Variants in MYO18B observed in about 807,000 individuals in gnomAD.
MYO18B encodes myosin XVIIIB.
A neutral mutation model predicts 273.0 loss-of-function variants in MYO18B; 204 were observed. The ratio of observed to expected loss-of-function variants is 0.75; its 90% CI spans 0.67 to 0.84. The LOEUF is 0.84. Among genes scored for constraint, MYO18B ranks in the 40% least tolerant of loss-of-function variants. The pLI is 0.00. For missense variants in MYO18B, 3,212 were observed against 3,287.6 expected, an observed-to-expected ratio of 0.98 and a Z score of 0.56; for synonymous variants, 1,330 against 1,305.7, an observed-to-expected ratio of 1.02 and a Z score of -0.40.
intron 34 of MYO18B, among the ~76,000 whole-genome samples, chr22:25,931,474 A>G (rs1490944647): frequency 1.3e-5 from 2 of 152,194 alleles, no homozygotes; most frequent in Non-Finnish European, 2.9e-5. Context: ...TATCAACGTC[A>G]TGACCTGATT....
At chr22:25,862,203 C>A (rs548872853) in intron 21 of MYO18B, among the ~76,000 whole-genome samples, 2 of 152,284 alleles carry the variant, frequency 1.3e-5, no homozygotes, top group East Asian at 3.9e-4. Flanking sequence ...ACTCATGCAT[C>A]TGCAGATTTT....
intron 6 of MYO18B, among the ~76,000 whole-genome samples, chr22:25,771,439 T>G (rs1416077743): frequency 1.3e-5 from 2 of 152,254 alleles, no homozygotes; most frequent in African/African-American, 4.8e-5. Flanking sequence ...CATCAAACTT[T>G]CTTTCAGCTT....
chr22:25,948,435 CTTCCTTCCTTCCTTCCTTCCTTCCTTCT>C lies in MYO18B; in HGVS notation c.5748+611_5748+638del, dbSNP rs1372322334. Among the ~76,000 whole-genome samples the C allele has an allele frequency of 7.6e-4, 84 of 110,870 alleles. 1 individual carries two copies. Among genetic ancestry groups the C allele is most frequent in the African/African-American group, 3.0e-3 (82 of 27,590 alleles). 72.7% of individuals were successfully genotyped at this position (110,870 alleles called of 152,430 possible). On this transcript the variant is annotated intron_variant, in intron 36 of 43. Transcript: ENST00000335473. ...CCTTCCTTCCTTCCTTCCTTCCTTC[CTTCCTTCCTTCCTTCCTTCCTTCCTTCT>C]TTCTTTCTTTCTTTCTTTCTTTCTC...
At chr22:26,054,448 C>T in the MYO18B span, among the ~76,000 whole-genome samples, 1 of 152,148 alleles carries the variant, frequency 6.6e-6, no homozygotes, top group Non-Finnish European at 1.5e-5. Flanking sequence ...TTTGGATAAA[C>T]ATATGTCAGA....
intron 14 of MYO18B, among the ~76,000 whole-genome samples, chr22:25,827,780 G>A (rs558462283): frequency 6.6e-6 from 1 of 152,288 alleles, no homozygotes; most frequent in African/African-American, 2.4e-5. Context: ...TGCTGGCGGA[G>A]GAAACTGCCT....
intron 39 of MYO18B, among the ~76,000 whole-genome samples, chr22:25,964,457 A>G (rs2092955306): frequency 6.6e-6 from 1 of 152,190 alleles, no homozygotes; most frequent in African/African-American, 2.4e-5. Context: ...TTACGTGTTC[A>G]AGTACAATTT....
chr22:25,829,311 C>T (rs1372198757), intron 15 of MYO18B, among the ~76,000 whole-genome samples: 3 of 151,918 alleles, frequency 2.0e-5, no homozygotes, highest in African/African-American at 4.9e-5. Context: ...TCTGCATCTG[C>T]CCAGGGGGGG....
chr22:25,769,277 A>T lies in MYO18B; in HGVS notation c.1361A>T (p.Asp454Val). 1 of 1,587,230 alleles carries T rather than the reference A, an allele frequency of 6.3e-7. No individual in the cohort carries two copies. Among genetic ancestry groups the T allele is most frequent in the East Asian group, 2.3e-5 (1 of 43,472 alleles). Reference sequence around the variant, plus strand: ...GAGGAGCCCTGCTCAAGAGCAGGTGATGGGGCTGGTGCCCTGGAGACAGAG... The same window carrying T: ...GAGGAGCCCTGCTCAAGAGCAGGTGTTGGGGCTGGTGCCCTGGAGACAGAG... Reference protein sequence around the residue: ...EAEEPCSRAGDGAGALETELE... With the variant: ...EAEEPCSRAGVGAGALETELE... The change falls in exon 4 of 44, where the codon GAT becomes GTT. Residue 454 changes from aspartate to valine, a missense_variant. By Grantham distance (152) the Asp-to-Val change is radical. Coordinates refer to ENST00000335473, the MANE Select transcript of MYO18B (RefSeq NM_032608.7).
intron 11 of MYO18B, among the ~76,000 whole-genome samples, chr22:25,796,163 T>C (rs2087900368): frequency 6.6e-6 from 1 of 152,168 alleles, no homozygotes; most frequent in Non-Finnish European, 1.5e-5. Flanking sequence ...CTTGGCCAGA[T>C]GGTGTGTGCA....
At chr22:25,822,137 C>T (rs535061740) in intron 12 of MYO18B, among the ~76,000 whole-genome samples, 11 of 152,342 alleles carry the variant, frequency 7.2e-5, no homozygotes, top group South Asian at 6.2e-4. Context: ...CTCCCCACCC[C>T]GTTACATTCC....
intron 21 of MYO18B, among the ~76,000 whole-genome samples, chr22:25,860,473 T>C (rs1601383317): frequency 1.3e-5 from 2 of 152,322 alleles, no homozygotes; most frequent in South Asian, 4.1e-4. Flanking sequence ...CCTCTTCCAA[T>C]ATACATGGTT....
chr22:26,033,884 CCTTT>C (rs895286757), downstream of MYO18B, among the ~76,000 whole-genome samples: 2 of 118,220 alleles, frequency 1.7e-5, no homozygotes, highest in East Asian at 2.0e-4. Flanking sequence ...TTCTTTCTTT[CCTTT>C]CTTTTTCTCT....
At chr22:26,009,273 G>A (rs1203969875) in intron 42 of MYO18B, among the ~76,000 whole-genome samples, 2 of 152,048 alleles carry the variant, frequency 1.3e-5, no homozygotes, top group Admixed American at 6.5e-5. Flanking sequence ...GAAGCTAATT[G>A]GGATCCAGGA....
At chr22:25,918,771 A>G (rs1343494352) in intron 33 of MYO18B, among the ~76,000 whole-genome samples, 1 of 152,230 alleles carries the variant, frequency 6.6e-6, no homozygotes, top group Non-Finnish European at 1.5e-5. Context: ...CAAAACAAAA[A>G]CAGACACAAA....
intron 29 of MYO18B, among the ~76,000 whole-genome samples, chr22:25,902,241 G>C (rs1183811328): frequency 6.6e-6 from 1 of 152,038 alleles, no homozygotes; most frequent in Non-Finnish European, 1.5e-5. Flanking sequence ...ATTTAGATTA[G>C]CATTTTAGTA....
chr22:25,915,146 ATCCT>A (rs1215847852), intron 33 of MYO18B, among the ~76,000 whole-genome samples: 3 of 152,170 alleles, frequency 2.0e-5, no homozygotes, highest in African/African-American at 7.2e-5. Flanking sequence ...GATATTTGAC[ATCCT>A]TTTCTTGTTC....
At chr22:26,020,017 G>A (rs1455334381) in intron 42 of MYO18B, among the ~76,000 whole-genome samples, 1 of 152,186 alleles carries the variant, frequency 6.6e-6, no homozygotes, top group African/African-American at 2.4e-5. Flanking sequence ...CCCAGTAGGT[G>A]TGTGATGTAG....
chr22:25,865,149 T>C (rs2090849952), intron 21 of MYO18B, among the ~76,000 whole-genome samples: 1 of 152,264 alleles, frequency 6.6e-6, no homozygotes, highest in Admixed American at 6.5e-5. Context: ...TAGTTTCAAT[T>C]AATTCTCTGA....
In MYO18B at chr22:25,862,662, G is replaced by A. The variant is rs560835289; in HGVS notation, c.3886-5658G>A. 2.0e-5 allele frequency among the ~76,000 whole-genome samples: 3 copies of A among 152,168 alleles called. No individual in the cohort carries two copies. In the East Asian group the frequency reaches 5.8e-4, roughly 29 times the overall value. On this transcript the variant is annotated intron_variant, in intron 21 of 43. Coordinates refer to ENST00000335473, the MANE Select transcript of MYO18B (RefSeq NM_032608.7). ...TAACATGTAATCTCACTGCATTCTG[G>A]ACTTCATTGTCTCTGAAGATAAGTC...
Sources: allele counts gnomAD v4.1 joint callset (sites outside exome capture counted in the v4.1 genomes callset), GRCh38; gene constraint gnomAD v4.1.1; transcripts MANE v1.5; gene names NCBI Gene and HGNC (gene_info 2026-07-23, HGNC 2026-07-21).